The following GREM2 variants were observed in gnomAD, a reference collection of about 807,000 sequenced individuals.
GREM2 encodes gremlin 2, DAN family BMP antagonist.
GREM2 carries 11 observed loss-of-function variants against 14.2 expected under a neutral mutation model. That is an observed-to-expected ratio of 0.78 (90% CI 0.49 to 1.28). The LOEUF is 1.28. Ranked by LOEUF, GREM2 falls within the 50% of genes most tolerant of loss-of-function variation. GREM2 has a pLI of 0.00. For missense variants in GREM2, 210 were observed against 218.5 expected, an observed-to-expected ratio of 0.96 and a Z score of 0.24; for synonymous variants, 98 against 97.6, an observed-to-expected ratio of 1.00 and a Z score of -0.02.
chr1:240,564,371 A>G (rs1004344209), intron 1 of GREM2, among the ~76,000 whole-genome samples: 1 of 151,502 alleles, frequency 6.6e-6, no homozygotes, highest in Non-Finnish European at 1.5e-5. Flanking sequence ...AGCCAGGTGC[A>G]GTCACATGCG....
intron 1 of GREM2, among the ~76,000 whole-genome samples, chr1:240,558,100 T>G (rs1266221355): frequency 2.6e-5 from 4 of 152,080 alleles, no homozygotes. Context: ...GAGGAGTGTT[T>G]GGACAAGGAG....
chr1:240,493,819 C>T (rs778807919), intron 1 of GREM2, among the ~76,000 whole-genome samples: 1 of 152,178 alleles, frequency 6.6e-6, no homozygotes, highest in Non-Finnish European at 1.5e-5. Flanking sequence ...CGTGAGCCAC[C>T]ACGTCTTTTT....
intron 1 of GREM2, among the ~76,000 whole-genome samples, chr1:240,594,367 T>C (rs1470402353): frequency 3.9e-5 from 6 of 152,194 alleles, no homozygotes; most frequent in Non-Finnish European, 8.8e-5. Flanking sequence ...ATTCAGTCAC[T>C]GCATGGAATT....
chr1:240,584,481 C>T (rs1290792997), intron 1 of GREM2, among the ~76,000 whole-genome samples: 6 of 126,988 alleles, frequency 4.7e-5, no homozygotes, highest in Non-Finnish European at 6.3e-5. Flanking sequence ...GGTGACAGAG[C>T]GAGACTCCAT....
intron 1 of GREM2, among the ~76,000 whole-genome samples, chr1:240,512,815 G>T (rs2185284): frequency 0.6 from 90,757 of 151,946 alleles, 28,898 homozygotes; most frequent in African/African-American, 0.83. Context: ...GGCCCTGATA[G>T]TAGTAGAAAT....
At chr1:240,501,406 AT>A (rs931111455) in intron 1 of GREM2, among the ~76,000 whole-genome samples, 2 of 152,194 alleles carry the variant, frequency 1.3e-5, no homozygotes, top group African/African-American at 2.4e-5. Context: ...AAATTATATT[AT>A]GTTTTCTTAA....
At chr1:240,502,760 A>G (rs759037106) in intron 1 of GREM2, among the ~76,000 whole-genome samples, 1 of 152,212 alleles carries the variant, frequency 6.6e-6, no homozygotes, top group Non-Finnish European at 1.5e-5. Flanking sequence ...CTAAGAGTCA[A>G]GATCTCCATT....
At chr1:240,504,651 C>A (rs1421599381) in intron 1 of GREM2, among the ~76,000 whole-genome samples, 1 of 152,086 alleles carries the variant, frequency 6.6e-6, no homozygotes, top group African/African-American at 2.4e-5. Context: ...AATATTGTTA[C>A]CCTCACTAAA....
chr1:240,500,868 C>T (rs543555435), intron 1 of GREM2, among the ~76,000 whole-genome samples: 1 of 152,156 alleles, frequency 6.6e-6, no homozygotes, highest in South Asian at 2.1e-4. Flanking sequence ...GAGGAGGCAC[C>T]GGGCGGTGGA....
At chr1:240,593,030 G>A (rs1471742667) in intron 1 of GREM2, among the ~76,000 whole-genome samples, 1 of 151,454 alleles carries the variant, frequency 6.6e-6, no homozygotes, top group Non-Finnish European at 1.5e-5. Context: ...TGTAATCCTA[G>A]CTACTCGGGA....
intron 1 of GREM2, among the ~76,000 whole-genome samples, chr1:240,609,965 C>T (rs146614715): frequency 3.2e-4 from 49 of 152,052 alleles, no homozygotes; most frequent in Non-Finnish European, 5.1e-4. Context: ...TTACCTCTCT[C>T]GGTGAAGAAT....
chr1:240,583,799 T>C (rs12729506), intron 1 of GREM2, among the ~76,000 whole-genome samples: 1 of 152,126 alleles, frequency 6.6e-6, no homozygotes, highest in African/African-American at 2.4e-5. Context: ...AGATGGGGTT[T>C]CACCTTGTTG....
intron 1 of GREM2, among the ~76,000 whole-genome samples, chr1:240,496,935 C>A (rs754106359): frequency 7.2e-5 from 11 of 152,046 alleles, no homozygotes; most frequent in Non-Finnish European, 1.5e-4. Context: ...GCAGGAGAAT[C>A]GCTTGAACCC....
chr1:240,611,800 C>T (rs1194623067), intron 1 of GREM2, 84 bp downstream of exon 1: 3 of 152,618 alleles, frequency 2.0e-5, no homozygotes, highest in Non-Finnish European at 2.9e-5. Context: ...ACGGAACAAA[C>T]AACGTCAATT....
chr1:240,597,941 G>C (rs1679852022), intron 1 of GREM2, among the ~76,000 whole-genome samples: 1 of 152,050 alleles, frequency 6.6e-6, no homozygotes, highest in Non-Finnish European at 1.5e-5. Flanking sequence ...AGATTACTGA[G>C]AGTGTCATAA....
intron 1 of GREM2, among the ~76,000 whole-genome samples, chr1:240,582,729 A>G (rs1679514497): frequency 1.3e-5 from 2 of 150,724 alleles, no homozygotes. Flanking sequence ...CCCAGGAGGC[A>G]GGGGTTGCAG....
chr1:240,555,033 T>A (rs1678927595), intron 1 of GREM2, among the ~76,000 whole-genome samples: 1 of 152,024 alleles, frequency 6.6e-6, no homozygotes, highest in Non-Finnish European at 1.5e-5. Flanking sequence ...TAATCCCAGC[T>A]ACTCAGGAGG....
At position 240,525,603 on chromosome 1, in the gene GREM2, C is replaced by T. The variant is rs113963217; in HGVS notation, c.-1-32127G>A. On this transcript the variant is annotated intron_variant, in intron 1 of 1. Coordinates refer to ENST00000318160, the MANE Select transcript of GREM2 (RefSeq NM_022469.4). ...AAGCGACTTTGGTGCCTCAGCCTCCCGAGTAGTTGGGATTCCAGGTGTGCA... is the reference window on the plus strand; with the variant it reads ...AAGCGACTTTGGTGCCTCAGCCTCCTGAGTAGTTGGGATTCCAGGTGTGCA... Among the ~76,000 whole-genome samples, 117 of 152,128 alleles carry T rather than the reference C, an allele frequency of 7.7e-4. 2 individuals carry two copies. The highest frequency in any genetic ancestry group is 2.7e-3 in the African/African-American group (112 of 41,498).
chr1:240,510,787 A>C (rs1677807677), intron 1 of GREM2, among the ~76,000 whole-genome samples: 1 of 152,218 alleles, frequency 6.6e-6, no homozygotes, highest in South Asian at 2.1e-4. Context: ...TACGTAAGTG[A>C]AGGTTTTGTG....
Sources: gnomAD v4.1 joint callset for allele counts (sites outside exome capture counted in the v4.1 genomes callset) on GRCh38, gnomAD v4.1.1 for gene constraint, MANE v1.5 for transcripts, NCBI Gene and HGNC (gene_info 2026-07-23, HGNC 2026-07-21) for gene names.